GRID2: variants seen among roughly 807,000 people sequenced by gnomAD.
GRID2 encodes glutamate receptor ionotropic, delta-2.
GRID2 carries 33 observed loss-of-function variants against 114.8 expected under a neutral mutation model. That is an observed-to-expected ratio of 0.29 (90% CI 0.22 to 0.38). The LOEUF is 0.38. Among genes scored for constraint, GRID2 ranks in the 10% least tolerant of loss-of-function variants. GRID2 has a pLI of 1.00. For missense variants in GRID2, 1,184 were observed against 1,257.7 expected, an observed-to-expected ratio of 0.94 and a Z score of 0.89; for synonymous variants, 505 against 449.9, an observed-to-expected ratio of 1.12 and a Z score of -1.55.
chr4:92,760,169 G>A lies in GRID2; in HGVS notation c.244+169883G>A, dbSNP rs1459916110. Among the ~76,000 whole-genome samples the A allele has an allele frequency of 6.1e-5, 9 of 147,248 alleles. No homozygotes were observed. The East Asian group carries it at 1.8e-3, about 30-fold the overall frequency. ...CAGGAGAACCACTTGAACCTGGGAGGCAGAGGCTGCAGTGACCAAGATTGG... is the reference window on the plus strand; with the variant it reads ...CAGGAGAACCACTTGAACCTGGGAGACAGAGGCTGCAGTGACCAAGATTGG... On this transcript the variant is annotated intron_variant, in intron 2 of 15. Transcript: ENST00000282020.
At position 93,235,511 on chromosome 4, in the gene GRID2, C is replaced by T. The variant is rs534945517; in HGVS notation, c.1126-2860C>T. The stretch of plus-strand genomic sequence containing the variant: ...GGATAGATGGAAAAAAGCTTTAAAG[C>T]GCTGGAATTTTCTAAGGCAATCCAA... On this transcript the variant is annotated intron_variant, in intron 7 of 15. Coordinates refer to ENST00000282020, the MANE Select transcript of GRID2 (RefSeq NM_001510.4). Among the ~76,000 whole-genome samples, 8 of 152,156 alleles carry T rather than the reference C, an allele frequency of 5.3e-5. No individual in the cohort carries two copies. The South Asian group carries it at 1.0e-3, about 20-fold the overall frequency.
At chr4:93,157,641 A>C (rs753856337) in intron 4 of GRID2, among the ~76,000 whole-genome samples, 3 of 151,654 alleles carry the variant, frequency 2.0e-5, no homozygotes, top group Non-Finnish European at 4.4e-5. Flanking sequence ...CTTTTGCTTT[A>C]CTGATTACTA....
chr4:92,695,061 GACTCAAGTGATCCTCCC>G (rs1443444304), intron 2 of GRID2, among the ~76,000 whole-genome samples: 1 of 152,028 alleles, frequency 6.6e-6, no homozygotes, highest in East Asian at 1.9e-4. Context: ...CTACTTCCCG[GACTCAAGTGATCCTCCC>G]ACCTTAGCCT....
At position 92,440,823 on chromosome 4, in the gene GRID2, G is replaced by A. The variant is rs114206331; in HGVS notation, c.88+136079G>A. ...AGATACAGTTATGGGGGTCAAGTGT[G>A]GTATCAGGAATAATGTGGGAGGCTG... is the stretch of plus-strand genomic sequence containing the variant. On this transcript the variant is annotated intron_variant, in intron 1 of 15. Transcript: ENST00000282020. Among the ~76,000 whole-genome samples, 1,155 of 152,150 alleles carry A rather than the reference G, an allele frequency of 7.6e-3. 5 individuals are homozygous for A. The highest frequency in any genetic ancestry group is 0.012 in the Non-Finnish European group (798 of 68,000).
At chr4:93,183,687 A>G (rs1740122155) in intron 4 of GRID2, among the ~76,000 whole-genome samples, 1 of 152,196 alleles carries the variant, frequency 6.6e-6, no homozygotes, top group Non-Finnish European at 1.5e-5. Context: ...GAAAAGGAAA[A>G]GGGCCACACA....
intron 2 of GRID2, among the ~76,000 whole-genome samples, chr4:93,017,371 G>C (rs1722848582): frequency 6.6e-6 from 1 of 152,044 alleles, no homozygotes; most frequent in South Asian, 2.1e-4. Flanking sequence ...TTTATTTTCA[G>C]CCTAACCTAT....
intron 1 of GRID2, among the ~76,000 whole-genome samples, chr4:92,349,701 T>A (rs1727966502): frequency 6.6e-6 from 1 of 151,836 alleles, no homozygotes; most frequent in Non-Finnish European, 1.5e-5. Context: ...TAAAAATAGA[T>A]GGTATTTTAA....
chr4:93,291,489 A>AATTATAT (rs1753756122), intron 8 of GRID2, among the ~76,000 whole-genome samples: 1 of 152,160 alleles, frequency 6.6e-6, no homozygotes, highest in African/African-American at 2.4e-5. Flanking sequence ...ACTATATATT[A>AATTATAT]ATCCAATTAC....
At chr4:92,739,630 G>T (rs1352012512) in intron 2 of GRID2, among the ~76,000 whole-genome samples, 1 of 152,112 alleles carries the variant, frequency 6.6e-6, no homozygotes, top group Non-Finnish European at 1.5e-5. Context: ...TAAAATCTAT[G>T]AATTTCAGTT....
At chr4:92,926,163 G>C (rs1384763398) in intron 2 of GRID2, among the ~76,000 whole-genome samples, 13 of 151,994 alleles carry the variant, frequency 8.6e-5, no homozygotes, top group Admixed American at 5.9e-4. Flanking sequence ...TTGCCCCTCA[G>C]GTATTTTGGT....
At chr4:92,496,611 GTTTA>G (rs1277449291) in intron 1 of GRID2, among the ~76,000 whole-genome samples, 2 of 151,294 alleles carry the variant, frequency 1.3e-5, no homozygotes, top group African/African-American at 4.8e-5. Context: ...TCCCAACCAT[GTTTA>G]TTTATGTTAA....
chr4:93,032,344 T>C (rs1724515186), intron 2 of GRID2, among the ~76,000 whole-genome samples: 1 of 152,192 alleles, frequency 6.6e-6, no homozygotes, highest in Non-Finnish European at 1.5e-5. Context: ...AGGTTTATTT[T>C]GGGCAGGATC....
rs1430062398 is a variant in GRID2, at chr4:93,304,273, TATATATAA to T, written c.1245+65784_1245+65791del. Among the ~76,000 whole-genome samples, 112 of 148,160 alleles carry T rather than the reference TATATATAA, an allele frequency of 7.6e-4. 1 individual carries two copies. The highest frequency in any genetic ancestry group is 2.7e-3 in the African/African-American group (111 of 40,948). ...AATATTTTAAATATATATATATATA[TATATATAA>T]GAGAACCCACTGTTATCTATGTTAC... On this transcript the variant is annotated intron_variant, in intron 8 of 15. Transcript: ENST00000282020.
At chr4:92,311,091 C>A (rs1453373313) in intron 1 of GRID2, among the ~76,000 whole-genome samples, 2 of 151,908 alleles carry the variant, frequency 1.3e-5, no homozygotes, top group East Asian at 3.9e-4. Context: ...AAGGTGTTAC[C>A]TACAGCATCA....
chr4:93,036,111 A>G (rs142359593), intron 2 of GRID2, among the ~76,000 whole-genome samples: 138 of 152,216 alleles, frequency 9.1e-4, no homozygotes, highest in Non-Finnish European at 1.6e-3. Flanking sequence ...CAATGAGTCT[A>G]TATTTCGGTG....
chr4:92,422,254 A>G (rs1248066941), intron 1 of GRID2, among the ~76,000 whole-genome samples: 3 of 152,024 alleles, frequency 2.0e-5, no homozygotes, highest in Admixed American at 1.3e-4. Flanking sequence ...CTAAAGTTGA[A>G]TGAGTGAAAT....
At chr4:93,073,781 T>C (rs1208470646) in intron 2 of GRID2, among the ~76,000 whole-genome samples, 2 of 152,004 alleles carry the variant, frequency 1.3e-5, no homozygotes, top group South Asian at 2.1e-4. Context: ...TAAGCCAAGG[T>C]TGGCACATTC....
chr4:93,348,430 C>T (rs1760458302), intron 8 of GRID2, among the ~76,000 whole-genome samples: 1 of 152,050 alleles, frequency 6.6e-6, no homozygotes, highest in South Asian at 2.1e-4. Flanking sequence ...ATTAGAAGTG[C>T]AATGAAGTAC....
intron 1 of GRID2, among the ~76,000 whole-genome samples, chr4:92,357,841 A>G (rs956467754): frequency 1.3e-5 from 2 of 151,942 alleles, no homozygotes; most frequent in African/African-American, 4.8e-5. Context: ...AGTCATTAAA[A>G]CAGAGCTCCT....
Sources: gnomAD v4.1 joint callset for allele counts (sites outside exome capture counted in the v4.1 genomes callset) on GRCh38, gnomAD v4.1.1 for gene constraint, MANE v1.5 for transcripts, NCBI Gene and HGNC (gene_info 2026-07-23, HGNC 2026-07-21) for gene names.